Variants in ADGRF5 observed in about 807,000 individuals in gnomAD.
ADGRF5 encodes adhesion G protein-coupled receptor F5.
In ADGRF5, 75 loss-of-function variants were observed where a neutral mutation model predicts 132.3. That is an observed-to-expected ratio of 0.57 (90% confidence interval 0.47 to 0.69). The LOEUF (loss-of-function observed/expected upper bound fraction) is 0.69. Ranked by LOEUF, ADGRF5 falls within the 30% of genes least tolerant of loss-of-function variation. ADGRF5 has a pLI of 0.00. For synonymous variants in ADGRF5, 629 were observed against 597.6 expected (o/e 1.05, Z -0.77); for missense variants, 1,516 against 1,630.6 (o/e 0.93, Z 1.21).
At chr6:46,904,892 T>C (rs1431440786) in intron 2 of ADGRF5, among the ~76,000 whole-genome samples, 2 of 152,120 alleles carry the variant, frequency 1.3e-5, no homozygotes, top group African/African-American at 4.8e-5. Flanking sequence ...ACATTATACC[T>C]TGAAGGGTAG....
At position 46,853,305 on chromosome 6, in the gene ADGRF5, T is replaced by C. The variant is rs1023099590; in HGVS notation, c.*687A>G. The C allele has an allele frequency of 6.6e-6, 1 of 152,184 alleles. No homozygotes were observed. The highest frequency in any genetic ancestry group is 1.5e-5 in the Non-Finnish European group (1 of 68,028). The allele number at this position is 152,184 out of a possible 1,614,324, so 9.4% of individuals were successfully genotyped here. ...CGTTCTGATGAAGGAATTTCCTCCC[T>C]ATTTTTTCAGCCTTTTTTTCCTCCT... On this transcript the variant is annotated 3_prime_UTR_variant, in exon 21 of 21. Coordinates refer to ENST00000283296, the MANE Select transcript of ADGRF5 (RefSeq NM_001098518.2).
In ADGRF5 at chr6:46,859,096, A is replaced by G. The variant is rs779515751; in HGVS notation, c.2807T>C (p.Phe936Ser). ...TTVSHNTTMP[F>S]RISMTFKNNS... ...GTTCTTAAAAGTCATTGAAATCCTG[A>G]ATGGCATAGTTGTATTGTGGCTGAC... is the stretch of plus-strand genomic sequence containing the variant. The change falls in exon 17 of 21, where the codon TTC (phenylalanine) becomes TCC (serine). Residue 936 changes from phenylalanine to serine, a missense_variant. By Grantham distance (155) the Phe-to-Ser change is radical. Around this residue, in one of 2 missense-constraint regions of ADGRF5, gnomAD observed 571 missense variants for 701.2 expected, o/e 0.81. Coordinates refer to ENST00000283296, the MANE Select transcript of ADGRF5 (RefSeq NM_001098518.2). 6.2e-7 allele frequency: 1 copy of G among 1,613,988 alleles called. No individual in the cohort carries two copies. Among genetic ancestry groups the G allele is most frequent in the South Asian group, 1.1e-5 (1 of 91,084 alleles).
At chr6:46,883,328 A>T (rs921866781) in intron 6 of ADGRF5, among the ~76,000 whole-genome samples, 1 of 152,186 alleles carries the variant, frequency 6.6e-6, no homozygotes, top group African/African-American at 2.4e-5. Flanking sequence ...ATCTTAACTG[A>T]ACCAGTTCCA....
rs866102002 is a variant in ADGRF5 at position 46,878,529 on chromosome 6, C to G, written c.1037-124G>C. ...GTATCATTTTCAAAAGCATCTGAGACTTGGTCTAAAGACGCCTAAAAAACC... is the reference window on the plus strand; with the variant it reads ...GTATCATTTTCAAAAGCATCTGAGAGTTGGTCTAAAGACGCCTAAAAAACC... On this transcript the variant is annotated intron_variant, in intron 9 of 20. Transcript: ENST00000283296. 42 of 674,152 alleles carry G rather than the reference C, an allele frequency of 6.2e-5. No individual in the cohort carries two copies. In the African/African-American group the frequency reaches 7.2e-4, roughly 12 times the overall value. 41.8% of individuals were successfully genotyped at this position (674,152 alleles called of 1,614,324 possible). A position where few individuals can be genotyped will look rare whatever the true frequency, so the allele number is the denominator to read the frequency against.
intron 3 of ADGRF5, among the ~76,000 whole-genome samples, chr6:46,890,249 C>T (rs140575586): frequency 0.01 from 1,542 of 152,022 alleles, 13 homozygotes; most frequent in Middle Eastern, 0.031. Context: ...CATACCATCA[C>T]GGCCAGCTAA....
Position 46,888,398 on chromosome 6 carries a change from A to C in ADGRF5, c.265T>G (p.Phe89Val). Residue 89 changes from phenylalanine (F) to valine (V), a missense_variant, in exon 4 of 21, where the codon TTT becomes GTT. Around this residue, in one of 2 missense-constraint regions of ADGRF5, gnomAD observed 945 missense variants for 929.4 expected, o/e 1.02. Transcript: ENST00000283296. ...PIKAYLNSLS[F>V]PIHGNNTDQI... ...TCAGTGTTATTCCCATGAATTGGAA[A>C]ACTGAGGCTGTTCAAGTAGGCTTTG... 2 of 1,612,350 alleles carry C rather than the reference A, an allele frequency of 1.2e-6. No individual in the cohort carries two copies. The highest frequency in any genetic ancestry group is 1.3e-5 in the African/African-American group (1 of 75,002).
intron 1 of ADGRF5, among the ~76,000 whole-genome samples, chr6:46,940,327 C>G (rs1408496115): frequency 6.6e-6 from 1 of 152,284 alleles, no homozygotes; most frequent in East Asian, 1.9e-4. Context: ...GTGACCATGA[C>G]ATTAAAGAAG....
chr6:46,883,761 A>G lies in ADGRF5; in HGVS notation c.506-96T>C. Reference sequence around the variant, plus strand: ...TAAGCTGTTTTTGTTTGTTTGTTTCAGATGGAGTCTCCCTCTGTCTCCCAG... The same window carrying G: ...TAAGCTGTTTTTGTTTGTTTGTTTCGGATGGAGTCTCCCTCTGTCTCCCAG... On this transcript the variant is annotated intron_variant, in intron 5 of 20. Transcript: ENST00000283296. 3 of 693,814 alleles carry G rather than the reference A, an allele frequency of 4.3e-6. No individual in the cohort carries two copies. The South Asian group carries it at 6.1e-5, about 14-fold the overall frequency. The allele number at this position is 693,814 out of a possible 1,614,324, so 43.0% of individuals were successfully genotyped here. A position where few individuals can be genotyped will look rare whatever the true frequency, so the allele number is the denominator to read the frequency against.
At chr6:46,898,014 A>G (rs1219288497) in intron 3 of ADGRF5, among the ~76,000 whole-genome samples, 7 of 152,206 alleles carry the variant, frequency 4.6e-5, no homozygotes, top group Non-Finnish European at 1.0e-4. Context: ...GCCCAAGAAC[A>G]CAGAGGTCCA....
chr6:46,853,945 C>T lies in ADGRF5; in HGVS notation c.*47G>A. 3 of 1,316,366 alleles carry T rather than the reference C, an allele frequency of 2.3e-6. No individual in the cohort carries two copies. Among genetic ancestry groups the T allele is most frequent in the Non-Finnish European group, 3.2e-6 (3 of 932,784 alleles). 81.5% of individuals were successfully genotyped at this position (1,316,366 alleles called of 1,614,324 possible). A position where few individuals can be genotyped will look rare whatever the true frequency, so the allele number is the denominator to read the frequency against. On this transcript the variant is annotated 3_prime_UTR_variant, in exon 21 of 21. Transcript: ENST00000283296. ...CTTTGCAAGCATCTCTTTTTAAAAG[C>T]ACAGCCACTGTCCCCGGGAGGTCAC...
chr6:46,883,502 G>T, intron 6 of ADGRF5, 57 bp downstream of exon 6: 1 of 819,800 alleles, frequency 1.2e-6, no homozygotes, highest in Non-Finnish European at 2.1e-6. Context: ...GAATGCAATA[G>T]ACTCAGTTCA....
upstream of ADGRF5, among the ~76,000 whole-genome samples, chr6:46,924,826 CTTTACA>C (rs1335089894): frequency 1.3e-5 from 2 of 152,228 alleles, no homozygotes; most frequent in South Asian, 2.1e-4. Context: ...ACCTTGCACA[CTTTACA>C]TTTAATTTGT....
At chr6:46,877,293 C>CTTTCTTTCTT (rs1554200479) in intron 10 of ADGRF5, among the ~76,000 whole-genome samples, 163 of 58,354 alleles carry the variant, frequency 2.8e-3, no homozygotes, top group East Asian at 6.3e-3. Flanking sequence ...CTTTCTTTCT[C>CTTTCTTTCTT]TCTCTCTCTC....
chr6:46,918,293 T>C (rs1402225360), intron 1 of ADGRF5, among the ~76,000 whole-genome samples: 1 of 152,208 alleles, frequency 6.6e-6, no homozygotes, highest in East Asian at 1.9e-4. Flanking sequence ...AGATAAATAC[T>C]GAACAGGCCC....
At chr6:46,901,987 G>A (rs1774819406) in intron 2 of ADGRF5, among the ~76,000 whole-genome samples, 1 of 152,188 alleles carries the variant, frequency 6.6e-6, no homozygotes, top group Non-Finnish European at 1.5e-5. Flanking sequence ...AGGAAATGGG[G>A]AGCGACTGTG....
chr6:46,854,827 A>T (rs1378357987), intron 20 of ADGRF5: 1 of 928,028 alleles, frequency 1.1e-6, no homozygotes, highest in Non-Finnish European at 1.5e-6. Flanking sequence ...GCCCCCAAAC[A>T]TGCCCAATTG....
chr6:46,862,599 C>T (rs1004317065), intron 15 of ADGRF5, among the ~76,000 whole-genome samples: 3 of 150,906 alleles, frequency 2.0e-5, no homozygotes, highest in Admixed American at 6.6e-5. Context: ...ATACCGCTGC[C>T]CCCTGGAGGT....
chr6:46,935,301 C>A (rs1777764934), intron 1 of ADGRF5, among the ~76,000 whole-genome samples: 1 of 152,072 alleles, frequency 6.6e-6, no homozygotes, highest in Non-Finnish European at 1.5e-5. Flanking sequence ...CTGAGCCCAG[C>A]CGATAATCCT....
intron 2 of ADGRF5, among the ~76,000 whole-genome samples, chr6:46,903,050 T>C (rs1236512207): frequency 6.6e-6 from 1 of 152,192 alleles, no homozygotes; most frequent in Non-Finnish European, 1.5e-5. Context: ...AGGTGCTCAG[T>C]GCAGTCTCTG....
Sources: gnomAD v4.1 joint callset for allele counts (sites outside exome capture counted in the v4.1 genomes callset) on GRCh38, gnomAD v4.1.1 for gene constraint, gnomAD v4.1.1 regional missense constraint, MANE v1.5 for transcripts, NCBI Gene and HGNC (gene_info 2026-07-23, HGNC 2026-07-21) for gene names.